The following FOXP2 variants were observed in gnomAD, a reference collection of about 807,000 sequenced individuals.
The protein encoded by FOXP2 is forkhead box protein P2.
In FOXP2, 12 loss-of-function variants were observed where a neutral mutation model predicts 115.8. That is an observed-to-expected ratio of 0.10 (90% CI 0.07 to 0.17). FOXP2 has a LOEUF of 0.17. FOXP2 is among the 10% of genes least tolerant of loss of function. FOXP2 has a pLI of 1.00. For missense variants in FOXP2, 629 were observed against 843.5 expected (o/e 0.75, Z 3.15); for synonymous variants, 328 against 297.7 (o/e 1.10, Z -1.05).
chr7:114,564,271 A>G (rs1370378518), intron 3 of FOXP2, among the ~76,000 whole-genome samples: 2 of 151,852 alleles, frequency 1.3e-5, no homozygotes, highest in Non-Finnish European at 2.9e-5. Context: ...TTCCCAAGCA[A>G]TGAATTCCTA....
At chr7:114,568,139 T>C (rs1272723675) in intron 3 of FOXP2, among the ~76,000 whole-genome samples, 1 of 151,966 alleles carries the variant, frequency 6.6e-6, no homozygotes, top group Non-Finnish European at 1.5e-5. Flanking sequence ...GCATGCAGAG[T>C]GACAGGGACA....
At chr7:114,256,744 G>A (rs1381218416) in intron 1 of FOXP2, among the ~76,000 whole-genome samples, 1 of 152,096 alleles carries the variant, frequency 6.6e-6, no homozygotes, top group Non-Finnish European at 1.5e-5. Flanking sequence ...TGTTGCAATT[G>A]TTTTTGACCT....
At chr7:114,182,387 G>A (rs1793480532) in intron 1 of FOXP2, among the ~76,000 whole-genome samples, 1 of 151,938 alleles carries the variant, frequency 6.6e-6, no homozygotes, top group Non-Finnish European at 1.5e-5. Context: ...AATCAGTGGA[G>A]AAAAAGCAGT....
intron 1 of FOXP2, among the ~76,000 whole-genome samples, chr7:114,233,880 G>A (rs1167680095): frequency 2.6e-5 from 4 of 152,102 alleles, no homozygotes; most frequent in Middle Eastern, 3.2e-3. Context: ...GTGAATGGTG[G>A]TGCACACCTG....
intron 1 of FOXP2, among the ~76,000 whole-genome samples, chr7:114,101,373 C>T (rs1347038148): frequency 2.0e-5 from 3 of 152,030 alleles, no homozygotes; most frequent in African/African-American, 7.3e-5. Context: ...GAAATTTGTC[C>T]AAAATTACAC....
intron 2 of FOXP2, among the ~76,000 whole-genome samples, chr7:114,455,818 C>A (rs531395225): frequency 1.3e-5 from 2 of 152,126 alleles, no homozygotes; most frequent in Non-Finnish European, 2.9e-5. Flanking sequence ...TAGTATACAT[C>A]CAGAATCCTT....
intron 2 of FOXP2, among the ~76,000 whole-genome samples, chr7:114,299,197 T>A (rs1457172875): frequency 2.6e-5 from 4 of 152,078 alleles, no homozygotes. Flanking sequence ...CTTTTGTGAG[T>A]AAAAAGGATT....
chr7:114,493,558 G>A (rs138808712), intron 2 of FOXP2, among the ~76,000 whole-genome samples: 1 of 152,136 alleles, frequency 6.6e-6, no homozygotes, highest in Non-Finnish European at 1.5e-5. Flanking sequence ...TATTAGAAAT[G>A]CACAGAGATC....
intron 3 of FOXP2, among the ~76,000 whole-genome samples, chr7:114,542,200 C>T (rs1218651310): frequency 6.6e-6 from 1 of 152,022 alleles, no homozygotes; most frequent in African/African-American, 2.4e-5. Flanking sequence ...CTTCTCTCAT[C>T]ATGTAATCTT....
intron 2 of FOXP2, among the ~76,000 whole-genome samples, chr7:114,408,375 A>G (rs1210047647): frequency 1.3e-5 from 2 of 152,142 alleles, no homozygotes; most frequent in Non-Finnish European, 2.9e-5. Context: ...ATCCAAATTC[A>G]TATATTCCAC....
At chr7:114,654,138 A>G in intron 10 of FOXP2, 129 bp downstream of exon 10, 2 of 1,561,736 alleles carry the variant, frequency 1.3e-6, no homozygotes, top group Non-Finnish European at 1.7e-6. Flanking sequence ...TGAAAGTAAA[A>G]TGTAATCGCT....
intron 2 of FOXP2, among the ~76,000 whole-genome samples, chr7:114,438,844 A>G (rs2129211210): frequency 6.6e-6 from 1 of 152,268 alleles, no homozygotes; most frequent in South Asian, 2.1e-4. Context: ...ACCTCAAACA[A>G]ACCCATTGTA....
At chr7:114,205,003 G>A (rs1794164751) in intron 1 of FOXP2, among the ~76,000 whole-genome samples, 1 of 151,916 alleles carries the variant, frequency 6.6e-6, no homozygotes, top group Admixed American at 6.6e-5. Flanking sequence ...GTAGACTGCT[G>A]CAAGATTTCC....
intron 2 of FOXP2, among the ~76,000 whole-genome samples, chr7:114,430,775 C>G (rs1303821553): frequency 6.6e-6 from 1 of 151,848 alleles, no homozygotes; most frequent in Non-Finnish European, 1.5e-5. Context: ...GAATGTTTCT[C>G]TGATGCCAAT....
intron 2 of FOXP2, among the ~76,000 whole-genome samples, chr7:114,497,729 A>C (rs1797386877): frequency 6.6e-6 from 1 of 151,976 alleles, no homozygotes; most frequent in Non-Finnish European, 1.5e-5. Flanking sequence ...TAGATAGTTT[A>C]ATAGTGACCA....
intron 1 of FOXP2, among the ~76,000 whole-genome samples, chr7:114,213,129 A>G (rs1178389601): frequency 1.3e-5 from 2 of 152,158 alleles, no homozygotes; most frequent in African/African-American, 2.4e-5. Flanking sequence ...ACACTATCCC[A>G]TTGTTTTCTG....
At chr7:114,363,732 A>G (rs533108941) in intron 2 of FOXP2, among the ~76,000 whole-genome samples, 3 of 152,256 alleles carry the variant, frequency 2.0e-5, no homozygotes, top group Admixed American at 2.0e-4. Flanking sequence ...CTAGATAAAG[A>G]TGCTTGTAAT....
At chr7:114,527,644 C>T (rs1335964151) in intron 2 of FOXP2, among the ~76,000 whole-genome samples, 1 of 152,164 alleles carries the variant, frequency 6.6e-6, no homozygotes, top group African/African-American at 2.4e-5. Context: ...AAGAAATCTT[C>T]TCTTGATTAT....
At position 114,480,249 on chromosome 7, in the gene FOXP2, T is replaced by C. The variant is rs962643597; in HGVS notation, c.168+53570T>C. Among the ~76,000 whole-genome samples, 3 of 151,350 alleles carry C rather than the reference T, an allele frequency of 2.0e-5. No homozygotes were observed. In the Admixed American group the frequency reaches 2.0e-4, roughly 10 times the overall value. On this transcript the variant is annotated intron_variant, in intron 2 of 16. Transcript: ENST00000350908. ...CTTGCCAAGGGTAATTAATTTTTCT[T>C]CTTTCCCCTGTCCCCCTCTTCCTCC...
Sources: allele counts gnomAD v4.1 joint callset (sites outside exome capture counted in the v4.1 genomes callset), GRCh38; gene constraint gnomAD v4.1.1; transcripts MANE v1.5; gene names NCBI Gene and HGNC (gene_info 2026-07-23, HGNC 2026-07-21).